The following ZNF469 variants were observed in gnomAD, a reference collection of about 807,000 sequenced individuals.
ZNF469 encodes the protein zinc finger protein 469.
A neutral mutation model predicts 1.0 loss-of-function variants in ZNF469; 1 was observed. The observed-to-expected ratio is 1.00, with a 90% CI of 0.35 to 4.73. ZNF469 has a LOEUF of 4.73. Ranked by LOEUF, ZNF469 falls within the 30% of genes most tolerant of loss-of-function variation. The probability of loss-of-function intolerance (pLI) is 0.16; values close to 1 mark genes in which losing one functional copy is unlikely to be tolerated. For synonymous variants in ZNF469, 2,703 were observed against 2,363.4 expected (o/e 1.14, Z -4.17); for missense variants, 6,100 against 5,356.3 (o/e 1.14, Z -4.33).
At chr16:88,368,122 C>T in the ZNF469 span, among the ~76,000 whole-genome samples, 1 of 152,256 alleles carries the variant, frequency 6.6e-6, no homozygotes, top group African/African-American at 2.4e-5. Flanking sequence ...CAAACATAAA[C>T]AAGCCTGCTC....
chr16:88,311,550 G>A, the ZNF469 span, among the ~76,000 whole-genome samples: 1 of 152,194 alleles, frequency 6.6e-6, no homozygotes, highest in Non-Finnish European at 1.5e-5. Context: ...CTTTTGTGGG[G>A]ACTTCAGAAC....
chr16:88,103,947 C>T, the ZNF469 span, among the ~76,000 whole-genome samples: 144 of 151,988 alleles, frequency 9.5e-4, 1 homozygote, highest in African/African-American at 3.3e-3. Flanking sequence ...GGCACGAGGA[C>T]GGTCACTGCA....
At chr16:88,208,823 T>A in the ZNF469 span, among the ~76,000 whole-genome samples, 1 of 148,058 alleles carries the variant, frequency 6.8e-6, no homozygotes, top group Non-Finnish European at 1.5e-5. Flanking sequence ...TCTCTCTCTC[T>A]CTCTCTCTCT....
At chr16:88,213,992 G>A in the ZNF469 span, among the ~76,000 whole-genome samples, 5 of 152,262 alleles carry the variant, frequency 3.3e-5, no homozygotes, top group Admixed American at 3.3e-4. Context: ...GTGTGATTTT[G>A]TTCTTGCTGA....
At chr16:88,215,887 CT>C in the ZNF469 span, among the ~76,000 whole-genome samples, 6 of 152,128 alleles carry the variant, frequency 3.9e-5, no homozygotes, top group Non-Finnish European at 8.8e-5. Context: ...TCTATATATA[CT>C]TTAAACCCCA....
chr16:88,300,787 G>A, the ZNF469 span, among the ~76,000 whole-genome samples: 1 of 152,140 alleles, frequency 6.6e-6, no homozygotes, highest in African/African-American at 2.4e-5. Context: ...GTTAGAGGCC[G>A]GGTGCGGTGG....
chr16:88,223,908 G>A, the ZNF469 span, among the ~76,000 whole-genome samples: 7 of 152,190 alleles, frequency 4.6e-5, no homozygotes, highest in South Asian at 2.1e-4. Context: ...TCAGCACCGC[G>A]TCCCGCCCTG....
At chr16:88,262,467 A>G in the ZNF469 span, among the ~76,000 whole-genome samples, 1 of 152,184 alleles carries the variant, frequency 6.6e-6, no homozygotes, top group South Asian at 2.1e-4. The surrounding 1 kb of genome is among the most constrained non-coding windows in gnomAD (Gnocchi z 4.3). Context: ...TACAGTTTGC[A>G]GGTCACGGAT....
the ZNF469 span, among the ~76,000 whole-genome samples, chr16:88,307,712 C>T: frequency 6.6e-6 from 1 of 152,160 alleles, no homozygotes; most frequent in African/African-American, 2.4e-5. Context: ...ATTATTGTTG[C>T]AAGAGTTCTT....
chr16:88,223,822 C>T, the ZNF469 span, among the ~76,000 whole-genome samples: 1 of 152,202 alleles, frequency 6.6e-6, no homozygotes, highest in African/African-American at 2.4e-5. Flanking sequence ...CCCTCTGGGC[C>T]GCCCGCCCCC....
Position 88,430,913 on chromosome 16 carries a change from G to A in ZNF469, c.3443G>A (p.Gly1148Glu). 2 of 1,537,290 alleles carry A rather than the reference G, an allele frequency of 1.3e-6. No individual in the cohort carries two copies. Among genetic ancestry groups the A allele is most frequent in the Non-Finnish European group, 1.7e-6 (2 of 1,145,802 alleles). Residue 1148 changes from glycine (G) to glutamate (E), a missense_variant, in exon 3 of 3, where the codon GGG becomes GAG. Coordinates refer to ENST00000565624, the MANE Select transcript of ZNF469 (RefSeq NM_001367624.2). ...PRKAARQEAG[G>E]DGAPANPEEP... ...AAGGCGGCGAGGCAGGAAGCCGGCG[G>A]GGACGGAGCCCCCGCGAACCCCGAG...
In ZNF469 at chr16:88,427,797, G is replaced by A. The variant is rs192479136; in HGVS notation, c.327G>A (p.Ala109=). The A allele has an allele frequency of 8.9e-4, 1,384 of 1,547,520 alleles. 11 individuals are homozygous for A. In the African/African-American group the frequency reaches 0.015, roughly 17 times the overall value. ...RSPLQAPSRL[A]GRAEGSPPQR... ...CCTTGCAGGCTCCCTCAAGGCTGGC[G>A]GGCAGGGCAGAGGGCAGCCCCCCAC... Residue 109 remains alanine, a synonymous_variant, in exon 3 of 3, where the codon GCG becomes GCA. Coordinates refer to ENST00000565624, the MANE Select transcript of ZNF469 (RefSeq NM_001367624.2).
chr16:88,356,548 G>A, the ZNF469 span, among the ~76,000 whole-genome samples: 17 of 152,090 alleles, frequency 1.1e-4, no homozygotes, highest in East Asian at 1.9e-4. Context: ...GTGTGTTGAC[G>A]TGTGCCTGTG....
the ZNF469 span, among the ~76,000 whole-genome samples, chr16:88,203,003 C>CG: frequency 6.6e-6 from 1 of 152,178 alleles, no homozygotes; most frequent in African/African-American, 2.4e-5. Flanking sequence ...AATCCAGGTA[C>CG]AGTGCTCAGT....
chr16:88,286,909 G>A, the ZNF469 span, among the ~76,000 whole-genome samples: 12 of 152,306 alleles, frequency 7.9e-5, no homozygotes, highest in African/African-American at 2.6e-4. Context: ...TCGCTCAGGA[G>A]AGGAGATGTG....
At chr16:88,348,414 GA>G in the ZNF469 span, among the ~76,000 whole-genome samples, 1 of 152,194 alleles carries the variant, frequency 6.6e-6, no homozygotes, top group Non-Finnish European at 1.5e-5. Flanking sequence ...CATGACACCA[GA>G]AAAGACTCTG....
Position 88,434,613 on chromosome 16 carries a change from G to A in ZNF469, c.7143G>A (p.Gly2381=), listed in dbSNP as rs1416485097. The A allele has an allele frequency of 2.6e-6, 4 of 1,550,286 alleles. No homozygotes were observed. The highest frequency in any genetic ancestry group is 2.7e-5 in the African/African-American group (2 of 73,150). The part of the protein sequence containing the change: ...GTSSKEPEDP[G]TPETGRSGAT... ...GCAGCAAGGAGCCGGAGGACCCAGG[G>A]ACCCCTGAGACCGGGCGCTCTGGTG... Residue 2381 remains glycine, a synonymous_variant, in exon 3 of 3, where the codon GGG becomes GGA. Transcript: ENST00000565624.
chr16:88,362,979 A>G, the ZNF469 span, among the ~76,000 whole-genome samples: 1 of 151,884 alleles, frequency 6.6e-6, no homozygotes, highest in Non-Finnish European at 1.5e-5. Flanking sequence ...TGTCATCTCC[A>G]TTCTACTGTA....
chr16:88,398,894 G>A (rs1162893734), intron 1 of ZNF469, among the ~76,000 whole-genome samples: 2 of 152,186 alleles, frequency 1.3e-5, no homozygotes, highest in Admixed American at 1.3e-4. Flanking sequence ...ACAGTCACTC[G>A]TCTGCACTCA....
Sources: allele counts gnomAD v4.1 joint callset (sites outside exome capture counted in the v4.1 genomes callset), GRCh38; gene constraint gnomAD v4.1.1; non-coding constraint Gnocchi (gnomAD v3.1); transcripts MANE v1.5; gene names NCBI Gene and HGNC (gene_info 2026-07-23, HGNC 2026-07-21).